The following MALRD1 variants were observed in gnomAD, a reference collection of about 807,000 sequenced individuals.
The protein encoded by MALRD1 is MAM and LDL-receptor class A domain-containing protein 1.
A neutral mutation model predicts 242.1 loss-of-function variants in MALRD1; 247 were observed. The observed-to-expected ratio is 1.02, with a 90% CI of 0.92 to 1.13. MALRD1 has a LOEUF of 1.13. Among genes scored for constraint, MALRD1 ranks in the 50% most tolerant of loss-of-function variants. The probability of loss-of-function intolerance (pLI) is 0.00; values close to 1 mark genes in which losing one functional copy is unlikely to be tolerated. For synonymous variants in MALRD1, 995 were observed against 866.6 expected (o/e 1.15, Z -2.60); for missense variants, 2,989 against 2,533.1 (o/e 1.18, Z -3.86).
At chr10:19,066,096 G>A (rs1245169076) in intron 1 of MALRD1, among the ~76,000 whole-genome samples, 1 of 152,030 alleles carries the variant, frequency 6.6e-6, no homozygotes, top group East Asian at 1.9e-4. Context: ...TAACCTATAC[G>A]TATCCTCCTG....
intron 36 of MALRD1, among the ~76,000 whole-genome samples, chr10:19,684,110 A>G (rs1842480251): frequency 6.6e-6 from 1 of 152,184 alleles, no homozygotes; most frequent in Non-Finnish European, 1.5e-5. Context: ...TGAAAAGGAC[A>G]TGAACTCATT....
At chr10:19,445,768 C>G (rs1834939287) in intron 28 of MALRD1, among the ~76,000 whole-genome samples, 1 of 152,198 alleles carries the variant, frequency 6.6e-6, no homozygotes, top group African/African-American at 2.4e-5. Context: ...AGGAGGCAGT[C>G]TGTCTGTTCT....
Position 19,607,789 on chromosome 10 carries a change from G to A in MALRD1, c.5957G>A (p.Cys1986Tyr), listed in dbSNP as rs1322288461. 1.4e-5 allele frequency: 22 copies of A among 1,548,960 alleles called. No individual in the cohort carries two copies. The highest frequency in any genetic ancestry group is 1.9e-5 in the Non-Finnish European group (22 of 1,146,194). The change falls in exon 35 of 40, where the codon TGT becomes TAT. Residue 1986 changes from cysteine (C) to tyrosine (Y), a missense_variant. Transcript: ENST00000454679. ...EDELICSNKSCSNGALVCASS... is the reference protein window; with the variant it reads ...EDELICSNKSYSNGALVCASS... ...TTTTTTTTTGCAGCCAACAAAAGCT[G>A]TTCTAATGGAGCTCTGGTGTGTGCC...
chr10:19,459,839 G>T (rs181089803), intron 29 of MALRD1, among the ~76,000 whole-genome samples: 5 of 151,174 alleles, frequency 3.3e-5, no homozygotes, highest in Non-Finnish European at 5.9e-5. Context: ...CAAGCACAAT[G>T]ATATAACTTG....
intron 29 of MALRD1, among the ~76,000 whole-genome samples, chr10:19,452,507 A>T (rs1835386764): frequency 6.6e-6 from 1 of 152,210 alleles, no homozygotes; most frequent in Non-Finnish European, 1.5e-5. Flanking sequence ...TACACATTTA[A>T]TACATTTTCA....
At chr10:19,614,382 G>A (rs1032056475) in intron 35 of MALRD1, among the ~76,000 whole-genome samples, 6 of 151,880 alleles carry the variant, frequency 4.0e-5, no homozygotes, top group South Asian at 2.1e-4. Context: ...AAATTTGTTC[G>A]ATTAAAATTA....
chr10:19,350,263 C>CT (rs1844315033), intron 25 of MALRD1, among the ~76,000 whole-genome samples: 8 of 108,804 alleles, frequency 7.4e-5, no homozygotes, highest in Admixed American at 2.0e-4. Flanking sequence ...ATGATTTTTT[C>CT]TTTTTTTCTT....
intron 33 of MALRD1, among the ~76,000 whole-genome samples, chr10:19,579,248 T>C (rs1326863507): frequency 6.6e-6 from 1 of 152,146 alleles, no homozygotes; most frequent in Non-Finnish European, 1.5e-5. Context: ...TAGACAATTG[T>C]AGAATAATAT....
chr10:19,661,085 G>A (rs1047599596), intron 36 of MALRD1, among the ~76,000 whole-genome samples: 1 of 152,004 alleles, frequency 6.6e-6, no homozygotes, highest in Non-Finnish European at 1.5e-5. Flanking sequence ...CCACAATGAG[G>A]TACCATCTCA....
chr10:19,596,260 C>T (rs139056849), intron 34 of MALRD1, among the ~76,000 whole-genome samples: 1,982 of 152,246 alleles, frequency 0.013, 18 homozygotes, highest in East Asian at 0.036. Context: ...ACACCCCTAA[C>T]ATTTTATTAT....
At chr10:19,703,666 G>A (rs1417080713) in intron 38 of MALRD1, among the ~76,000 whole-genome samples, 3 of 152,190 alleles carry the variant, frequency 2.0e-5, no homozygotes, top group South Asian at 2.1e-4. Flanking sequence ...AGGCCAAGGC[G>A]GGTGGATCAC....
intron 13 of MALRD1, among the ~76,000 whole-genome samples, chr10:19,171,981 CATATAATATATGTATAT>C (rs1835007460): frequency 3.9e-5 from 1 of 25,914 alleles, no homozygotes; most frequent in East Asian, 5.7e-4. Context: ...TGATATATAT[CATATAATATATGTATAT>C]ATCACATATA....
chr10:19,571,343 G>T (rs1335877053), intron 33 of MALRD1, among the ~76,000 whole-genome samples: 1 of 151,686 alleles, frequency 6.6e-6, no homozygotes, highest in African/African-American at 2.4e-5. Flanking sequence ...AGCAGCCAAC[G>T]AAGTCAGACA....
chr10:19,599,657 G>A (rs1187772026), intron 34 of MALRD1, among the ~76,000 whole-genome samples: 2 of 152,020 alleles, frequency 1.3e-5, no homozygotes, highest in Non-Finnish European at 2.9e-5. Flanking sequence ...ATTAATAAGG[G>A]GATTGTTTAT....
At position 19,386,520 on chromosome 10, in the gene MALRD1, T is replaced by C. The variant is rs139872641; in HGVS notation, c.4442-1008T>C. 3.5e-3 allele frequency among the ~76,000 whole-genome samples: 526 copies of C among 152,246 alleles called. 4 individuals carry two copies. Among genetic ancestry groups the C allele is most frequent in the African/African-American group, 0.012 (508 of 41,552 alleles). Reference sequence around the variant, plus strand: ...TTTTCTATTGAAATATTGTTACCCATGACAGTTAAATTCTGTTGTAATATT... The same window carrying C: ...TTTTCTATTGAAATATTGTTACCCACGACAGTTAAATTCTGTTGTAATATT... On this transcript the variant is annotated intron_variant, in intron 26 of 39. Coordinates refer to ENST00000454679, the MANE Select transcript of MALRD1 (RefSeq NM_001142308.3).
At chr10:19,503,848 G>T (rs1469436246) in intron 31 of MALRD1, among the ~76,000 whole-genome samples, 2 of 152,120 alleles carry the variant, frequency 1.3e-5, no homozygotes, top group Non-Finnish European at 2.9e-5. Flanking sequence ...ATTACTTAAT[G>T]CATTAAGCAT....
chr10:19,123,407 A>G, intron 5 of MALRD1, 85 bp from the exon 6 acceptor site: 1 of 694,806 alleles, frequency 1.4e-6, no homozygotes, highest in Non-Finnish European at 2.0e-6. Flanking sequence ...TGCTTTGTAG[A>G]ATGAATATTA....
In MALRD1 at chr10:19,088,141, T is replaced by A; in HGVS notation, c.553T>A (p.Trp185Arg). 1 of 1,233,468 alleles carries A rather than the reference T, an allele frequency of 8.1e-7. No individual in the cohort carries two copies. The highest frequency in any genetic ancestry group is 1.0e-6 in the Non-Finnish European group (1 of 987,876). 76.4% of individuals were successfully genotyped at this position (1,233,468 alleles called of 1,614,324 possible). The change falls in exon 4 of 40, where the codon TGG (tryptophan) becomes AGG (arginine). Residue 185 changes from tryptophan to arginine, a missense_variant. Physicochemically the swap from Trp to Arg is moderately radical, Grantham distance 101 (BLOSUM62 -3). Coordinates refer to ENST00000454679, the MANE Select transcript of MALRD1 (RefSeq NM_001142308.3). ...AAACACAGCTGCACTCCCAAATCAG[T>A]GGGAGAGAAATGTCATCAAAATCCA... ...WQNTAALPNQ[W>R]ERNVIKIQSS...
intron 13 of MALRD1, among the ~76,000 whole-genome samples, chr10:19,171,546 CTA>C (rs1385936038): frequency 3.0e-5 from 4 of 134,386 alleles, no homozygotes; most frequent in Non-Finnish European, 6.4e-5. Flanking sequence ...ATATATATGT[CTA>C]TGTGTGTATA....
Sources: gnomAD v4.1 joint callset for allele counts (sites outside exome capture counted in the v4.1 genomes callset) on GRCh38, gnomAD v4.1.1 for gene constraint, MANE v1.5 for transcripts, NCBI Gene and HGNC (gene_info 2026-07-23, HGNC 2026-07-21) for gene names.